The following TAFA1 variants were observed in gnomAD, a reference collection of about 807,000 sequenced individuals.
TAFA1 encodes the protein chemokine-like protein TAFA-1.
In TAFA1, 4 loss-of-function variants were observed where a neutral mutation model predicts 18.5. The ratio of observed to expected loss-of-function variants is 0.22; its 90% confidence interval spans 0.11 to 0.49. The LOEUF is 0.49. TAFA1 is among the 20% of genes least tolerant of loss of function. The pLI, the probability that TAFA1 is intolerant of heterozygous loss-of-function variation, is 0.98. For synonymous variants in TAFA1, 56 were observed against 55.2 expected (o/e 1.01, Z -0.06); for missense variants, 147 against 169.0 (o/e 0.87, Z 0.72).
the TAFA1 span, among the ~76,000 whole-genome samples, chr3:67,998,388 C>T: frequency 6.6e-6 from 1 of 152,250 alleles, no homozygotes; most frequent in East Asian, 1.9e-4. Flanking sequence ...TATCCTAATT[C>T]TCCTTTAAGT....
At chr3:68,059,878 G>T (rs1372199829) in intron 2 of TAFA1, among the ~76,000 whole-genome samples, 1 of 152,170 alleles carries the variant, frequency 6.6e-6, no homozygotes, top group East Asian at 1.9e-4. Flanking sequence ...GAGCACCTAA[G>T]CCTAAATTGC....
chr3:68,336,593 C>T (rs13340165), intron 2 of TAFA1, among the ~76,000 whole-genome samples: 3,075 of 152,294 alleles, frequency 0.02, 97 homozygotes, highest in African/African-American at 0.063. Flanking sequence ...AAACTATCTG[C>T]TTGAAAGGTA....
At chr3:68,429,896 G>A (rs1241341538) in intron 3 of TAFA1, among the ~76,000 whole-genome samples, 1 of 151,914 alleles carries the variant, frequency 6.6e-6, no homozygotes, top group South Asian at 2.1e-4. Flanking sequence ...ATAACTCACT[G>A]TAATGTACTA....
intron 3 of TAFA1, among the ~76,000 whole-genome samples, chr3:68,474,547 A>G (rs914123698): frequency 2.0e-5 from 3 of 152,348 alleles, no homozygotes; most frequent in East Asian, 1.9e-4. Flanking sequence ...TATGAACTCA[A>G]TGTGCAGACT....
chr3:68,485,904 C>T (rs924241545), intron 3 of TAFA1, among the ~76,000 whole-genome samples: 5 of 151,978 alleles, frequency 3.3e-5, no homozygotes, highest in African/African-American at 1.2e-4. Context: ...CACTGAAGGT[C>T]AGTAAAATGG....
chr3:68,117,824 T>C, intron 2 of TAFA1, among the ~76,000 whole-genome samples: 1 of 152,250 alleles, frequency 6.6e-6, no homozygotes, highest in Admixed American at 6.5e-5. Flanking sequence ...ATGTGGCCAG[T>C]ACATTTTTTA....
chr3:68,171,544 C>T (rs967634091), intron 2 of TAFA1, among the ~76,000 whole-genome samples: 1 of 147,834 alleles, frequency 6.8e-6, no homozygotes, highest in African/African-American at 2.4e-5. Flanking sequence ...TTTAAAAGTC[C>T]ACTACCAAAA....
intron 2 of TAFA1, among the ~76,000 whole-genome samples, chr3:68,262,874 A>G (rs1341834887): frequency 6.6e-6 from 1 of 152,194 alleles, no homozygotes; most frequent in African/African-American, 2.4e-5. Context: ...CATGGTTCAA[A>G]TGATGTTAGA....
chr3:68,382,209 A>G (rs762345122), intron 2 of TAFA1, among the ~76,000 whole-genome samples: 7 of 152,270 alleles, frequency 4.6e-5, no homozygotes, highest in Admixed American at 6.5e-5. Context: ...TTTTGCATCA[A>G]TGTTCATCAA....
At chr3:68,041,304 A>T (rs1002765258) in intron 2 of TAFA1, among the ~76,000 whole-genome samples, 1 of 152,232 alleles carries the variant, frequency 6.6e-6, no homozygotes, top group African/African-American at 2.4e-5. Context: ...GGAACCAACA[A>T]ATTTGGGTTA....
At chr3:68,082,130 C>G (rs905034104) in intron 2 of TAFA1, among the ~76,000 whole-genome samples, 3 of 152,252 alleles carry the variant, frequency 2.0e-5, no homozygotes, top group African/African-American at 4.8e-5. Context: ...TCCCTGACCC[C>G]TTGCGCTTCC....
At chr3:68,501,939 A>C (rs902337011) in intron 3 of TAFA1, among the ~76,000 whole-genome samples, 1 of 152,144 alleles carries the variant, frequency 6.6e-6, no homozygotes. Context: ...TGGCAGGAAA[A>C]TCTTGATCTC....
intron 2 of TAFA1, among the ~76,000 whole-genome samples, chr3:68,382,232 A>C (rs1461383086): frequency 6.6e-6 from 1 of 152,142 alleles, no homozygotes; most frequent in Non-Finnish European, 1.5e-5. Context: ...ATATTAGTCT[A>C]AAATTCTCCT....
intron 2 of TAFA1, among the ~76,000 whole-genome samples, chr3:68,064,239 G>GA (rs1448678575): frequency 6.6e-6 from 1 of 152,054 alleles, no homozygotes; most frequent in Non-Finnish European, 1.5e-5. Flanking sequence ...CATTTTCTCC[G>GA]AAAAAAGAAA....
chr3:68,241,935 T>C (rs1232410623), intron 2 of TAFA1, among the ~76,000 whole-genome samples: 4 of 152,222 alleles, frequency 2.6e-5, no homozygotes, highest in Non-Finnish European at 5.9e-5. Context: ...GCAAATTATC[T>C]GAATAGTGCC....
intron 2 of TAFA1, among the ~76,000 whole-genome samples, chr3:68,165,979 A>C (rs2065977344): frequency 6.6e-6 from 1 of 152,236 alleles, no homozygotes; most frequent in South Asian, 2.1e-4. Flanking sequence ...TTCTGGCTAC[A>C]AGAGCTAGAA....
At chr3:68,321,467 A>C (rs957905991) in intron 2 of TAFA1, among the ~76,000 whole-genome samples, 2 of 152,182 alleles carry the variant, frequency 1.3e-5, no homozygotes, top group Admixed American at 6.5e-5. Context: ...AAATAAATGA[A>C]ATTGTAAATA....
intron 2 of TAFA1, among the ~76,000 whole-genome samples, chr3:68,113,897 G>GTTTTTTT (rs35158174): frequency 1.1e-3 from 19 of 18,086 alleles, no homozygotes; most frequent in African/African-American, 2.0e-3. Flanking sequence ...AGTTTTTTTT[G>GTTTTTTT]TTTTTTTTTT....
chr3:68,500,811 A>T (rs994638657), intron 3 of TAFA1, among the ~76,000 whole-genome samples: 1 of 152,076 alleles, frequency 6.6e-6, no homozygotes, highest in Non-Finnish European at 1.5e-5. Flanking sequence ...TCAGAAGTTC[A>T]TGAACAGAGA....
Sources: gnomAD v4.1 joint callset for allele counts (sites outside exome capture counted in the v4.1 genomes callset) on GRCh38, gnomAD v4.1.1 for gene constraint, MANE v1.5 for transcripts, NCBI Gene and HGNC (gene_info 2026-07-23, HGNC 2026-07-21) for gene names.